Variants in SPATA17 observed in about 807,000 individuals in gnomAD.
The protein encoded by SPATA17 is spermatogenesis-associated protein 17.
Under a neutral mutation model 62.2 loss-of-function variants are expected in SPATA17, and 53 were observed. That is an observed-to-expected ratio of 0.85 (90% CI 0.68 to 1.07). The LOEUF (loss-of-function observed/expected upper bound fraction) is 1.07. Among genes scored for constraint, SPATA17 ranks in the 50% least tolerant of loss-of-function variants. The pLI is 0.00. For missense variants in SPATA17, 466 were observed against 425.5 expected (o/e 1.10, Z -0.84); for synonymous variants, 146 against 146.8 (o/e 0.99, Z 0.04).
intron 9 of SPATA17, among the ~76,000 whole-genome samples, chr1:217,857,739 A>C (rs1281205690): frequency 6.6e-6 from 1 of 152,220 alleles, no homozygotes; most frequent in Admixed American, 6.5e-5. Context: ...CCTGTACCAG[A>C]GGTCACAGCT....
At chr1:217,668,949 G>T (rs1670770765) in intron 3 of SPATA17, 84 bp from the exon 4 acceptor site, 5 of 1,186,642 alleles carry the variant, frequency 4.2e-6, no homozygotes, top group Admixed American at 1.8e-5. Context: ...TATGTATAAA[G>T]ATTCTTATCT....
intron 9 of SPATA17, among the ~76,000 whole-genome samples, chr1:217,816,080 A>T (rs1234568011): frequency 6.6e-6 from 1 of 152,104 alleles, no homozygotes; most frequent in Middle Eastern, 3.2e-3. Context: ...TTTACAAAAG[A>T]TGTACACACA....
chr1:217,789,142 A>G (rs571110033), intron 8 of SPATA17, among the ~76,000 whole-genome samples: 1 of 152,352 alleles, frequency 6.6e-6, no homozygotes, highest in South Asian at 2.1e-4. Context: ...AAGAAACTGT[A>G]TAGACAGCTC....
intron 9 of SPATA17, among the ~76,000 whole-genome samples, chr1:217,838,830 A>G (rs1675321625): frequency 6.6e-6 from 1 of 152,114 alleles, no homozygotes; most frequent in South Asian, 2.1e-4. Context: ...GTTGGTTCAA[A>G]CATTTGTCAT....
rs978176079 is a variant in SPATA17, at chr1:217,850,403, A to G, written c.1006-12371A>G. 3.5e-6 allele frequency: 4 copies of G among 1,149,962 alleles called. No homozygotes were observed. The African/African-American group carries it at 6.1e-5, about 18-fold the overall frequency. 71.2% of individuals were successfully genotyped at this position (1,149,962 alleles called of 1,614,324 possible). ...ACTGCAAATGCAAGACTGAAGAACT[A>G]ACAGCCACATCTCAGACGCTGGACC... On this transcript the variant is annotated intron_variant, in intron 9 of 10. Transcript: ENST00000366933.
intron 9 of SPATA17, among the ~76,000 whole-genome samples, chr1:217,833,726 A>G (rs113514811): frequency 7.9e-5 from 12 of 152,186 alleles, no homozygotes; most frequent in African/African-American, 2.7e-4. Context: ...AAATTAATAG[A>G]TAGATTTTGA....
intron 9 of SPATA17, among the ~76,000 whole-genome samples, chr1:217,862,569 T>C (rs1675919758): frequency 6.6e-6 from 1 of 152,228 alleles, no homozygotes; most frequent in African/African-American, 2.4e-5. Flanking sequence ...TTAAAGACTA[T>C]GTGCCAGGAA....
At chr1:217,850,503 A>G (rs1675625716) in intron 9 of SPATA17, 1 of 1,536,864 alleles carries the variant, frequency 6.5e-7, no homozygotes, top group African/African-American at 1.4e-5. Context: ...GCCTGCAAAG[A>G]TGAGCCTCTG....
At chr1:217,656,546 ATATGTATGTATG>A (rs34179742) in intron 3 of SPATA17, among the ~76,000 whole-genome samples, 7 of 150,508 alleles carry the variant, frequency 4.7e-5, no homozygotes, top group South Asian at 4.2e-4. Context: ...TAGGTCTGAT[ATATGTATGTATG>A]TATGTATGTA....
At chr1:217,788,297 G>T (rs1320878351) in intron 8 of SPATA17, among the ~76,000 whole-genome samples, 2 of 152,062 alleles carry the variant, frequency 1.3e-5, no homozygotes, top group Non-Finnish European at 2.9e-5. Context: ...AATACAATAG[G>T]TTTAGGATAT....
intron 9 of SPATA17, among the ~76,000 whole-genome samples, chr1:217,833,978 C>A (rs906970568): frequency 2.0e-5 from 3 of 152,160 alleles, no homozygotes; most frequent in Admixed American, 2.0e-4. Flanking sequence ...GGAATTAGAA[C>A]TCCAATAACT....
chr1:217,850,838 C>T (rs1656785466), intron 9 of SPATA17, among the ~76,000 whole-genome samples: 1 of 151,994 alleles, frequency 6.6e-6, no homozygotes, highest in Admixed American at 6.6e-5. Context: ...AGGAACCTTA[C>T]CATCTAGTGG....
intron 9 of SPATA17, among the ~76,000 whole-genome samples, chr1:217,854,182 G>A (rs965298450): frequency 1.3e-5 from 2 of 152,146 alleles, no homozygotes; most frequent in African/African-American, 4.8e-5. Context: ...TGGCTGCTGG[G>A]ATTGGCCAAG....
intron 5 of SPATA17, among the ~76,000 whole-genome samples, chr1:217,687,800 C>T (rs566878287): frequency 2.6e-5 from 4 of 152,214 alleles, no homozygotes; most frequent in South Asian, 2.1e-4. Context: ...TAGGTATTCT[C>T]TTAAAGGCAA....
intron 9 of SPATA17, among the ~76,000 whole-genome samples, chr1:217,843,550 A>G (rs556178955): frequency 4.6e-5 from 7 of 152,208 alleles, no homozygotes; most frequent in Non-Finnish European, 1.0e-4. Context: ...TTGAATGTCT[A>G]TGGCAGAGAG....
chr1:217,779,173 T>C (rs1298538332), intron 7 of SPATA17, among the ~76,000 whole-genome samples: 1 of 149,904 alleles, frequency 6.7e-6, no homozygotes, highest in Non-Finnish European at 1.5e-5. Flanking sequence ...TGTGTGTGTG[T>C]CTGTGTATGG....
chr1:217,641,221 C>T (rs1458678842), intron 1 of SPATA17, among the ~76,000 whole-genome samples: 1 of 152,012 alleles, frequency 6.6e-6, no homozygotes, highest in Non-Finnish European at 1.5e-5. Context: ...GTAGGCAATG[C>T]AAGATTTGAT....
intron 9 of SPATA17, among the ~76,000 whole-genome samples, chr1:217,848,351 G>T (rs1233512347): frequency 1.3e-5 from 2 of 151,968 alleles, no homozygotes; most frequent in Non-Finnish European, 2.9e-5. Context: ...CTTCAACTAT[G>T]GTAGATGAGT....
At chr1:217,662,404 G>T (rs1032530576) in intron 3 of SPATA17, among the ~76,000 whole-genome samples, 1 of 151,964 alleles carries the variant, frequency 6.6e-6, no homozygotes, top group African/African-American at 2.4e-5. Context: ...TAAATTTTTT[G>T]TTGAAATGTA....
Sources: allele counts gnomAD v4.1 joint callset (sites outside exome capture counted in the v4.1 genomes callset), GRCh38; gene constraint gnomAD v4.1.1; transcripts MANE v1.5; gene names NCBI Gene and HGNC (gene_info 2026-07-23, HGNC 2026-07-21).